Variants in SLCO3A1 observed in about 807,000 individuals in gnomAD.
SLCO3A1 encodes the protein solute carrier organic anion transporter family member 3A1, also known as PGE1 transporter.
SLCO3A1 carries 27 observed loss-of-function variants against 63.1 expected under a neutral mutation model. The ratio of observed to expected loss-of-function variants is 0.43; its 90% confidence interval spans 0.32 to 0.59. The LOEUF (loss-of-function observed/expected upper bound fraction) is 0.59, where lower values mean the gene tolerates loss of function less well. Ranked by LOEUF, SLCO3A1 falls within the 20% of genes least tolerant of loss-of-function variation. The pLI, the probability that SLCO3A1 is intolerant of heterozygous loss-of-function variation, is 0.09. For missense variants in SLCO3A1, 773 were observed against 945.8 expected (o/e 0.82, Z 2.40); for synonymous variants, 473 against 409.9 (o/e 1.15, Z -1.86).
At chr15:92,139,466 G>A (rs1376628587) in intron 7 of SLCO3A1, among the ~76,000 whole-genome samples, 2 of 152,088 alleles carry the variant, frequency 1.3e-5, no homozygotes, top group African/African-American at 4.8e-5. Context: ...GCCCAGCTTT[G>A]GTGTCAGAAT....
chr15:91,999,847 G>A (rs2151451786), intron 2 of SLCO3A1, among the ~76,000 whole-genome samples: 1 of 152,304 alleles, frequency 6.6e-6, no homozygotes, highest in Admixed American at 6.5e-5. Flanking sequence ...TCTATTACAA[G>A]TCAGCAAATC....
intron 3 of SLCO3A1, chr15:92,097,855 G>C (rs999053066): frequency 2.0e-5 from 3 of 152,348 alleles, no homozygotes; most frequent in South Asian, 2.1e-4. Flanking sequence ...TTCTAGTCTT[G>C]TGAAACTTGC....
chr15:91,932,370 T>C (rs1899266748), intron 2 of SLCO3A1, among the ~76,000 whole-genome samples: 1 of 152,214 alleles, frequency 6.6e-6, no homozygotes, highest in African/African-American at 2.4e-5. Context: ...GTTGCCTTTC[T>C]TGTTTTATCT....
At chr15:91,888,031 G>A (rs1003271206) in intron 1 of SLCO3A1, among the ~76,000 whole-genome samples, 65 of 152,224 alleles carry the variant, frequency 4.3e-4, no homozygotes, top group Non-Finnish European at 2.4e-4. Context: ...TTTGTTCTGT[G>A]TAGTCATCTG....
At position 91,941,670 on chromosome 15, in the gene SLCO3A1, C is replaced by T; in HGVS notation, c.646+25212C>T. On this transcript the variant is annotated intron_variant, in intron 2 of 9. Coordinates refer to ENST00000318445, the MANE Select transcript of SLCO3A1 (RefSeq NM_013272.4). The surrounding 1 kb of genome is among the most constrained non-coding windows in gnomAD (Gnocchi z 4.4). ...TTTTTCTTACTCGGGATGTTTGTTT[C>T]TCTTTGTCTTTAAAAAAATTATTTT... 1 of 387,246 alleles carries T rather than the reference C, an allele frequency of 2.6e-6. No individual in the cohort carries two copies. Among genetic ancestry groups the T allele is most frequent in the Non-Finnish European group, 5.1e-6 (1 of 197,388 alleles). 24.0% of individuals were successfully genotyped at this position (387,246 alleles called of 1,614,324 possible). A position where few individuals can be genotyped will look rare whatever the true frequency, so the allele number is the denominator to read the frequency against.
intron 5 of SLCO3A1, 47 bp downstream of exon 5, chr15:92,120,676 T>G: frequency 1.3e-6 from 2 of 1,564,628 alleles, no homozygotes; most frequent in Non-Finnish European, 1.8e-6. Context: ...GAGGGTGTCC[T>G]GTGTGTAAGG....
intron 2 of SLCO3A1, among the ~76,000 whole-genome samples, chr15:92,081,924 T>C (rs2047351045): frequency 6.6e-6 from 1 of 152,240 alleles, no homozygotes; most frequent in African/African-American, 2.4e-5. Flanking sequence ...ATGTATCTGA[T>C]CTAAGAGGTC....
At chr15:92,089,135 C>G (rs1009098408) in intron 2 of SLCO3A1, among the ~76,000 whole-genome samples, 14 of 152,018 alleles carry the variant, frequency 9.2e-5, no homozygotes, top group African/African-American at 2.4e-4. Flanking sequence ...ACGCCATTCT[C>G]CTGCCTCAGC....
At chr15:92,147,568 G>A (rs1282825438) in intron 8 of SLCO3A1, among the ~76,000 whole-genome samples, 2 of 152,138 alleles carry the variant, frequency 1.3e-5, no homozygotes, top group Admixed American at 6.5e-5. Flanking sequence ...CTGTAACTGG[G>A]GGTGATATGA....
rs2048234673 is a variant in SLCO3A1, at chr15:92,147,032, A to G, written c.1561A>G (p.Thr521Ala). ...CLTTVPAENA[T>A]VVPGKCPSPG... ...CACCACCGTCCCTGCTGAGAACGCA[A>G]CCGTGGTTCCTGGAAAATGCCCCAG... is the stretch of plus-strand genomic sequence containing the variant. The change falls in exon 8 of 10, where the codon ACC (threonine) becomes GCC (alanine). Residue 521 changes from threonine to alanine, a missense_variant. Around this residue, in one of 3 missense-constraint regions of SLCO3A1, gnomAD observed 565 missense variants for 749.8 expected, o/e 0.75. Transcript: ENST00000318445. 1.2e-6 allele frequency: 2 copies of G among 1,614,128 alleles called. No individual in the cohort carries two copies. The highest frequency in any genetic ancestry group is 1.7e-6 in the Non-Finnish European group (2 of 1,180,004).
chr15:92,088,864 A>G (rs2047436764), intron 2 of SLCO3A1, among the ~76,000 whole-genome samples: 2 of 152,086 alleles, frequency 1.3e-5, no homozygotes, highest in South Asian at 2.1e-4. Flanking sequence ...CTCTTAGTCT[A>G]CAATCTTAAT....
At chr15:91,971,640 G>A (rs1393049916) in intron 2 of SLCO3A1, among the ~76,000 whole-genome samples, 1 of 152,044 alleles carries the variant, frequency 6.6e-6, no homozygotes, top group Non-Finnish European at 1.5e-5. Context: ...GCAGGCATGA[G>A]TTACAGCATT....
At chr15:92,032,997 C>T (rs755587167) in intron 2 of SLCO3A1, among the ~76,000 whole-genome samples, 1 of 152,072 alleles carries the variant, frequency 6.6e-6, no homozygotes, top group African/African-American at 2.4e-5. Flanking sequence ...AGGGGAAGTC[C>T]ATGTCAGTGG....
At chr15:91,966,001 G>C (rs747452592) in intron 2 of SLCO3A1, among the ~76,000 whole-genome samples, 1 of 152,140 alleles carries the variant, frequency 6.6e-6, no homozygotes, top group Non-Finnish European at 1.5e-5. Context: ...ATTTTGTTAA[G>C]AACTGGTGTA....
chr15:91,914,567 CTTTTTTT>C (rs556314311), intron 1 of SLCO3A1, among the ~76,000 whole-genome samples: 9 of 122,276 alleles, frequency 7.4e-5, no homozygotes, highest in East Asian at 2.4e-4. Context: ...TATTTTCTTC[CTTTTTTT>C]TTTTTTTTTT....
intron 2 of SLCO3A1, among the ~76,000 whole-genome samples, chr15:92,064,709 A>G (rs905529584): frequency 6.6e-6 from 1 of 152,244 alleles, no homozygotes; most frequent in African/African-American, 2.4e-5. Flanking sequence ...AAGGAATTAA[A>G]TTCTGTCATT....
intron 2 of SLCO3A1, among the ~76,000 whole-genome samples, chr15:91,921,432 A>G (rs1898840068): frequency 6.6e-6 from 1 of 151,894 alleles, no homozygotes; most frequent in Non-Finnish European, 1.5e-5. Context: ...CATAACAGAC[A>G]CCAAAGAGAT....
rs560426942 is a variant in SLCO3A1 at position 91,867,128 on chromosome 15, C to T, written c.180+13040C>T. Reference sequence around the variant, plus strand: ...TGGAGTGCCACTCCAGTTAGCAGCGCGGAGGCTGTCGGCATCTCTCTCGGC... The same window carrying T: ...TGGAGTGCCACTCCAGTTAGCAGCGTGGAGGCTGTCGGCATCTCTCTCGGC... On this transcript the variant is annotated intron_variant, in intron 1 of 9. Transcript: ENST00000318445. Among the ~76,000 whole-genome samples, 24 of 152,308 alleles carry T rather than the reference C, an allele frequency of 1.6e-4. No homozygotes were observed. In the East Asian group the frequency reaches 3.3e-3, roughly 21 times the overall value.
chr15:91,916,287 G>T lies in SLCO3A1; in HGVS notation c.475G>T (p.Glu159Ter), dbSNP rs376852333. 6.4e-6 allele frequency: 10 copies of T among 1,555,428 alleles called. No homozygotes were observed. The Admixed American group carries it at 1.4e-4, about 21-fold the overall frequency. ...VCAANGSGGD[E>*]GPDPDLICRN... ...CGCAGCCAACGGCTCGGGCGGCGAC[G>T]AGGGGCCCGACCCCGACCTCATCTG... is the stretch of plus-strand genomic sequence containing the variant. Residue 159 changes from glutamate (E) to a stop codon, truncating the protein, a stop_gained, in exon 2 of 10, where the codon GAG becomes TAG. Coordinates refer to ENST00000318445, the MANE Select transcript of SLCO3A1 (RefSeq NM_013272.4). LOFTEE classifies it high-confidence loss of function. This position sits in a 1 kb window ranked among gnomAD's most constrained non-coding sequence, Gnocchi z 6.2.
Sources: allele counts gnomAD v4.1 joint callset (sites outside exome capture counted in the v4.1 genomes callset), GRCh38; gene constraint gnomAD v4.1.1; regional missense constraint gnomAD v4.1.1; non-coding constraint Gnocchi (gnomAD v3.1); transcripts MANE v1.5; gene names NCBI Gene and HGNC (gene_info 2026-07-23, HGNC 2026-07-21).